NAV2: variants seen among roughly 807,000 people sequenced by gnomAD.
NAV2 encodes the protein helicase, APC down-regulated 1.
In NAV2, 54 loss-of-function variants were observed where a neutral mutation model predicts 223.2. That is an observed-to-expected ratio of 0.24 (90% CI 0.19 to 0.30). The LOEUF (loss-of-function observed/expected upper bound fraction) is 0.30. Among genes scored for constraint, NAV2 ranks in the 10% least tolerant of loss-of-function variants. NAV2 has a pLI of 1.00. For missense variants in NAV2, 2,806 were observed against 3,147.5 expected, an observed-to-expected ratio of 0.89 and a Z score of 2.60; for synonymous variants, 1,279 against 1,239.3, an observed-to-expected ratio of 1.03 and a Z score of -0.67.
chr11:19,558,116 C>T (rs2044965479), intron 1 of NAV2, among the ~76,000 whole-genome samples: 1 of 152,186 alleles, frequency 6.6e-6, no homozygotes, highest in South Asian at 2.1e-4. Context: ...AGATAACTTA[C>T]TTAAGTTTTC....
chr11:19,619,652 G>T (rs2046921933), intron 1 of NAV2, among the ~76,000 whole-genome samples: 1 of 152,134 alleles, frequency 6.6e-6, no homozygotes, highest in South Asian at 2.1e-4. Flanking sequence ...TGTAGATTCT[G>T]GATATTAGTC....
At chr11:19,823,018 G>T (rs1398510590) in intron 1 of NAV2, among the ~76,000 whole-genome samples, 1 of 152,068 alleles carries the variant, frequency 6.6e-6, no homozygotes, top group Non-Finnish European at 1.5e-5. Context: ...TTCCAGCATG[G>T]CTCTTGCTTA....
intron 1 of NAV2, among the ~76,000 whole-genome samples, chr11:19,472,940 G>T (rs192794844): frequency 3.1e-4 from 47 of 152,316 alleles, no homozygotes; most frequent in African/African-American, 1.1e-3. Flanking sequence ...TCTGGGTGAA[G>T]ATCCCATCCT....
intron 17 of NAV2, among the ~76,000 whole-genome samples, chr11:20,051,590 C>T (rs1428156044): frequency 6.6e-6 from 1 of 152,194 alleles, no homozygotes; most frequent in Non-Finnish European, 1.5e-5. Context: ...CATCCCTGGG[C>T]AAGCCCAAGG....
intron 17 of NAV2, 24 bp downstream of exon 17, chr11:20,051,357 C>G (rs1407849317): frequency 3.1e-6 from 5 of 1,610,682 alleles, no homozygotes; most frequent in South Asian, 1.1e-5. Flanking sequence ...CTCCTTGCAT[C>G]TGTGCCATCT....
chr11:19,682,800 A>G (rs2048914733), intron 1 of NAV2, among the ~76,000 whole-genome samples: 2 of 152,212 alleles, frequency 1.3e-5, no homozygotes, highest in South Asian at 2.1e-4. Flanking sequence ...TAAGCCGTTC[A>G]TGAGGGATCT....
chr11:19,664,379 C>G (rs1266565098), intron 1 of NAV2, among the ~76,000 whole-genome samples: 1 of 152,152 alleles, frequency 6.6e-6, no homozygotes, highest in South Asian at 2.1e-4. Flanking sequence ...TTGCCAGTTT[C>G]CTAGTCCTGT....
In NAV2 at chr11:19,836,527, G is replaced by A. The variant is rs867045741; in HGVS notation, c.385+3926G>A. 6.8e-5 allele frequency among the ~76,000 whole-genome samples: 10 copies of A among 146,118 alleles called. No homozygotes were observed. In the South Asian group the frequency reaches 1.3e-3, roughly 19 times the overall value. ...AGCCGAGATTGCGCCACTGCAGTCC[G>A]CAGTCCGGCCTGGGCGACAGAGCGA... On this transcript the variant is annotated intron_variant, in intron 2 of 37. Coordinates refer to ENST00000349880, the MANE Select transcript of NAV2 (RefSeq NM_145117.5).
intron 5 of NAV2, among the ~76,000 whole-genome samples, chr11:19,883,698 ACTTTTT>A (rs1410384237): frequency 1.3e-5 from 2 of 152,232 alleles, no homozygotes; most frequent in Admixed American, 6.5e-5. Context: ...AATAAGTTTA[ACTTTTT>A]CTTTTATTAA....
At position 19,587,086 on chromosome 11, in the gene NAV2, C is replaced by T. The variant is rs1225314923; in HGVS notation, c.75+236059C>T. Among the ~76,000 whole-genome samples, 5 of 152,210 alleles carry T rather than the reference C, an allele frequency of 3.3e-5. No homozygotes were observed. In the South Asian group the frequency reaches 1.0e-3, roughly 31 times the overall value. On this transcript the variant is annotated intron_variant, in intron 1 of 37. Coordinates refer to the NAV2 transcript ENST00000360655. ...TCAAGCCTCAGCAATGGTGGACACC[C>T]CTCCCCCAGCCTTGCTGCCGCCTTG... is the stretch of plus-strand genomic sequence containing the variant.
At chr11:19,843,250 C>T (rs2060602774) in intron 3 of NAV2, among the ~76,000 whole-genome samples, 1 of 152,162 alleles carries the variant, frequency 6.6e-6, no homozygotes, top group Admixed American at 6.5e-5. Context: ...TCCTCAAAGA[C>T]CCACATCAAT....
Position 19,713,781 on chromosome 11 carries a change from C to A in NAV2, c.86C>A (p.Pro29Gln). 2 of 1,612,730 alleles carry A rather than the reference C, an allele frequency of 1.2e-6. No homozygotes were observed. Among genetic ancestry groups the A allele is most frequent in the Non-Finnish European group, 1.7e-6 (2 of 1,179,658 alleles). The stretch of plus-strand genomic sequence containing the variant: ...GCCGCGCCCATCCTGCACGTGCCCC[C>A]GGCCCGGGCGGGCCCCCAGCCCTGC... ...HSAAPILHVP[P>Q]ARAGPQPCYL... The change falls in exon 1 of 38, where the codon CCG becomes CAG. Residue 29 changes from proline to glutamine, a missense_variant. By Grantham distance (76) the Pro-to-Gln change is moderately conservative. Transcript: ENST00000349880. This position sits in a 1 kb window ranked among gnomAD's most constrained non-coding sequence, Gnocchi z 7.2.
intron 6 of NAV2, chr11:19,931,647 G>C (rs976947443): frequency 6.7e-6 from 1 of 150,056 alleles, no homozygotes; most frequent in African/African-American, 2.4e-5. Flanking sequence ...AGGCTTCTGG[G>C]CACTGGAGTA....
At chr11:19,635,284 A>AT (rs1177300262) in intron 1 of NAV2, among the ~76,000 whole-genome samples, 2 of 152,308 alleles carry the variant, frequency 1.3e-5, no homozygotes, top group African/African-American at 2.4e-5. Context: ...AATCATCAGA[A>AT]TTTTTTTAAC....
At chr11:19,723,522 AC>A (rs1217755814) in intron 1 of NAV2, among the ~76,000 whole-genome samples, 1 of 151,890 alleles carries the variant, frequency 6.6e-6, no homozygotes, top group Non-Finnish European at 1.5e-5. Context: ...AAACCTCCAG[AC>A]CCTCCTCTTC....
chr11:19,959,795 C>G (rs1300425357), intron 10 of NAV2, among the ~76,000 whole-genome samples: 1 of 152,190 alleles, frequency 6.6e-6, no homozygotes. Context: ...ACGATACCCT[C>G]CAGCCGACAG....
At chr11:20,044,916 T>A in intron 13 of NAV2, 52 bp from the exon 14 acceptor site, 1 of 1,480,560 alleles carries the variant, frequency 6.8e-7, no homozygotes, top group South Asian at 1.3e-5. Flanking sequence ...ACAGACGAGA[T>A]GGATGAGCTG....
In NAV2 at chr11:19,462,694, G is replaced by GT. The variant is rs1382218560; in HGVS notation, c.75+111670dup. On this transcript the variant is annotated intron_variant, in intron 1 of 37. Transcript: ENST00000360655. The stretch of plus-strand genomic sequence containing the variant: ...CCCAGAATGGGGTAGTGATGACCAG[G>GT]TTTGAGTAGCACAGGTTTGAGGAAG... 7.5e-4 allele frequency among the ~76,000 whole-genome samples: 115 copies of GT among 152,320 alleles called. 1 individual carries two copies. Among genetic ancestry groups the GT allele is most frequent in the Non-Finnish European group, 4.0e-4 (27 of 68,040 alleles).
intron 11 of NAV2, among the ~76,000 whole-genome samples, chr11:19,993,973 A>G (rs567467020): frequency 1.3e-5 from 2 of 152,328 alleles, no homozygotes; most frequent in South Asian, 2.1e-4. Flanking sequence ...AGAGAGAGAA[A>G]GACCTAAGTA....
Sources: gnomAD v4.1 joint callset for allele counts (sites outside exome capture counted in the v4.1 genomes callset) on GRCh38, gnomAD v4.1.1 for gene constraint, Gnocchi (gnomAD v3.1) non-coding constraint, MANE v1.5 for transcripts, NCBI Gene and HGNC (gene_info 2026-07-23, HGNC 2026-07-21) for gene names.